Variants in BRWD1 observed in about 807,000 individuals in gnomAD.
The protein encoded by BRWD1 is bromodomain and WD repeat-containing protein 1.
Under a neutral mutation model 251.2 loss-of-function variants are expected in BRWD1, and 82 were observed. The observed-to-expected ratio is 0.33, with a 90% confidence interval of 0.27 to 0.39. The LOEUF (loss-of-function observed/expected upper bound fraction) is 0.39. Among genes scored for constraint, BRWD1 ranks in the 10% least tolerant of loss-of-function variants. BRWD1 has a pLI of 1.00. For synonymous variants in BRWD1, 918 were observed against 902.8 expected, an observed-to-expected ratio of 1.02 and a Z score of -0.30; for missense variants, 2,233 against 2,711.6, an observed-to-expected ratio of 0.82 and a Z score of 3.92.
intron 21 of BRWD1, among the ~76,000 whole-genome samples, chr21:39,244,252 G>A (rs1470819331): frequency 6.6e-6 from 1 of 152,020 alleles, no homozygotes; most frequent in Non-Finnish European, 1.5e-5. Context: ...TTTTAGTAGA[G>A]ATGGGGTTTC....
rs1365091667 is a variant in BRWD1 at position 39,247,802 on chromosome 21, T to C, written c.2380A>G (p.Arg794Gly). The change falls in exon 21 of 41, where the codon AGA (arginine) becomes GGA (glycine). Residue 794 changes from arginine to glycine, a missense_variant. Physicochemically the swap from Arg to Gly is moderately radical, Grantham distance 125. This residue lies in a region of BRWD1 where 214 missense variants were observed against 222.0 expected (regional missense o/e 0.96). Transcript: ENST00000342449. Reference protein sequence around the residue: ...SDSVVLVSQSRQRTCRRKYPN... With the variant: ...SDSVVLVSQSGQRTCRRKYPN... ...TATTTACGCCTACATGTCCTTTGTC[T>C]AGACTGTGATACCAAAACCACTGAA... 2.5e-6 allele frequency: 4 copies of C among 1,610,546 alleles called. No homozygotes were observed. Among genetic ancestry groups the C allele is most frequent in the Non-Finnish European group, 3.4e-6 (4 of 1,178,818 alleles).
chr21:39,275,831 G>C (rs760537256), intron 12 of BRWD1, among the ~76,000 whole-genome samples: 1 of 152,074 alleles, frequency 6.6e-6, no homozygotes, highest in Non-Finnish European at 1.5e-5. Flanking sequence ...TCGGGAGTTC[G>C]AGACCAGACT....
intron 4 of BRWD1, 90 bp downstream of exon 4, chr21:39,312,751 C>T: frequency 9.4e-7 from 1 of 1,059,776 alleles, no homozygotes; most frequent in East Asian, 3.2e-5. Flanking sequence ...ACACTTTGCA[C>T]CCCACGGGCC....
chr21:39,246,973 G>A (rs1203703312), intron 21 of BRWD1, among the ~76,000 whole-genome samples: 1 of 152,054 alleles, frequency 6.6e-6, no homozygotes, highest in African/African-American at 2.4e-5. Flanking sequence ...AGCTACTCGG[G>A]AGGCTGAGGC....
chr21:39,191,772 T>C lies in BRWD1; in HGVS notation c.*4487A>G. On this transcript the variant is annotated 3_prime_UTR_variant, in exon 41 of 41. Coordinates refer to ENST00000342449, the MANE Select transcript of BRWD1 (RefSeq NM_033656.4). ...ATCTAGGCTCTATATACTGGTCATC[T>C]CATTTCAGTTAGGTCAATTGGACTG... 1 of 985,270 alleles carries C rather than the reference T, an allele frequency of 1.0e-6. No homozygotes were observed. Among genetic ancestry groups the C allele is most frequent in the Non-Finnish European group, 1.2e-6 (1 of 829,800 alleles). The allele number at this position is 985,270 out of a possible 1,614,324, so 61.0% of individuals were successfully genotyped here.
Position 39,196,889 on chromosome 21 carries a change from A to C in BRWD1, c.6180T>G (p.Ile2060Met). The C allele has an allele frequency of 6.2e-7, 1 of 1,613,892 alleles. No individual in the cohort carries two copies. Among genetic ancestry groups the C allele is most frequent in the Non-Finnish European group, 8.5e-7 (1 of 1,179,954 alleles). The change falls in exon 41 of 41, where the codon ATT becomes ATG. Residue 2060 changes from isoleucine to methionine, a missense_variant. Ile to Met is a conservative substitution (Grantham distance 10). Around this residue, in one of 12 missense-constraint regions of BRWD1, gnomAD observed 928 missense variants for 970.0 expected, o/e 0.96. Transcript: ENST00000342449. ...ATGTCCTATCAGTCTCACTCCCTGG[A>C]ATATGACTTTTTGAATCTTCTCCTG... ...TSSGEDSKSH[I>M]PGSETDRTFS...
At chr21:39,293,752 G>A in intron 8 of BRWD1, 59 bp downstream of exon 8, 2 of 1,361,758 alleles carry the variant, frequency 1.5e-6, no homozygotes, top group Admixed American at 2.0e-5. Context: ...CAAAGAAACT[G>A]TTTTAAAGAA....
upstream of BRWD1, chr21:39,313,706 G>A (rs904263019): frequency 2.5e-5 from 9 of 365,338 alleles, no homozygotes; most frequent in Non-Finnish European, 4.4e-5. Flanking sequence ...CGGGGGGCGG[G>A]GGTTTGCGCC....
intron 8 of BRWD1, among the ~76,000 whole-genome samples, chr21:39,292,143 G>GGGGGC (rs2035835237): frequency 2.1e-5 from 2 of 94,674 alleles, no homozygotes; most frequent in Admixed American, 1.3e-4. Context: ...GGGGGGGGGG[G>GGGGGC]TCTCACTAAG....
intron 27 of BRWD1, among the ~76,000 whole-genome samples, chr21:39,225,670 T>C (rs1173584189): frequency 2.6e-5 from 4 of 152,288 alleles, no homozygotes; most frequent in Admixed American, 2.0e-4. Flanking sequence ...GAATATAATA[T>C]ACCTGGCAAA....
intron 40 of BRWD1, 33 bp downstream of exon 40, chr21:39,198,730 A>G: frequency 6.6e-7 from 1 of 1,515,768 alleles, no homozygotes; most frequent in South Asian, 1.3e-5. Flanking sequence ...GGTGAGAGTC[A>G]ATCAGTGAAC....
At chr21:39,312,966 GC>G in intron 3 of BRWD1, 66 bp from the exon 4 acceptor site, 1 of 607,062 alleles carries the variant, frequency 1.6e-6, no homozygotes, top group Non-Finnish European at 2.1e-6. Flanking sequence ...GGGGCGGGGG[GC>G]CGGGGGCGGG....
chr21:39,196,838 T>C lies in BRWD1; in HGVS notation c.6231A>G (p.Gln2077=). Residue 2077 remains glutamine (Q), a synonymous_variant, in exon 41 of 41, where the codon CAA becomes CAG. Transcript: ENST00000342449. ...CAAAATTATTCTCTGCAGTAGCTTTTTGTGCCAAGGTTGACTCTGAAGAAA... is the reference window on the plus strand; with the variant it reads ...CAAAATTATTCTCTGCAGTAGCTTTCTGTGCCAAGGTTGACTCTGAAGAAA... ...RTFSSESTLA[Q]KATAENNFEV... is the part of the protein sequence containing the mutation. 1.2e-6 allele frequency: 2 copies of C among 1,613,674 alleles called. No homozygotes were observed. The highest frequency in any genetic ancestry group is 1.7e-6 in the Non-Finnish European group (2 of 1,179,942).
At position 39,189,223 on chromosome 21, in the gene BRWD1, A is replaced by G. The variant is rs1486427322; in HGVS notation, c.*7036T>C. 1.6e-4 allele frequency: 155 copies of G among 985,140 alleles called. No homozygotes were observed. The highest frequency in any genetic ancestry group is 1.8e-4 in the Non-Finnish European group (147 of 829,766). The allele number at this position is 985,140 out of a possible 1,614,324, so 61.0% of individuals were successfully genotyped here. ...GTAGGATGAGAATATACTATTATCA[A>G]CTAGCTGCACCATTTGCATTTGGAA... is the stretch of plus-strand genomic sequence containing the variant. On this transcript the variant is annotated 3_prime_UTR_variant, in exon 41 of 41. Transcript: ENST00000342449.
At chr21:39,257,386 C>A (rs2034593448) in intron 18 of BRWD1, among the ~76,000 whole-genome samples, 1 of 151,992 alleles carries the variant, frequency 6.6e-6, no homozygotes, top group Non-Finnish European at 1.5e-5. Flanking sequence ...TTAACCTGAA[C>A]CCAATTATGA....
chr21:39,198,606 G>T (rs2031941193), intron 40 of BRWD1, among the ~76,000 whole-genome samples, 157 bp downstream of exon 40: 1 of 152,104 alleles, frequency 6.6e-6, no homozygotes, highest in African/African-American at 2.4e-5. Context: ...TATAAAGGAT[G>T]AACAGAGAAG....
chr21:39,269,051 C>T (rs1471790655), intron 15 of BRWD1, among the ~76,000 whole-genome samples: 2 of 151,894 alleles, frequency 1.3e-5, no homozygotes, highest in African/African-American at 4.8e-5. Flanking sequence ...TTAAACACAA[C>T]GCATGAGCCT....
At chr21:39,266,212 TAA>T (rs1287286187) in intron 15 of BRWD1, among the ~76,000 whole-genome samples, 2 of 152,088 alleles carry the variant, frequency 1.3e-5, no homozygotes, top group African/African-American at 2.4e-5. Context: ...GTGGAAAAAA[TAA>T]AGTTACTCGG....
intron 8 of BRWD1, among the ~76,000 whole-genome samples, chr21:39,280,517 C>T (rs1421894963): frequency 2.6e-5 from 4 of 151,602 alleles, no homozygotes; most frequent in African/African-American, 9.7e-5. Context: ...GATATTAAAG[C>T]ATATCACAGA....
Sources: gnomAD v4.1 joint callset for allele counts (sites outside exome capture counted in the v4.1 genomes callset) on GRCh38, gnomAD v4.1.1 for gene constraint, gnomAD v4.1.1 regional missense constraint, MANE v1.5 for transcripts, NCBI Gene and HGNC (gene_info 2026-07-23, HGNC 2026-07-21) for gene names.